Variants in CELF2 observed in about 807,000 individuals in gnomAD.
The protein encoded by CELF2 is CUG triplet repeat RNA-binding protein 2.
In CELF2, 8 loss-of-function variants were observed where a neutral mutation model predicts 62.6. The observed-to-expected ratio is 0.13, with a 90% CI of 0.07 to 0.23. The LOEUF is 0.23. CELF2 is among the 10% of genes least tolerant of loss of function. The pLI is 1.00. For missense variants in CELF2, 333 were observed against 671.0 expected (o/e 0.50, Z 5.56); for synonymous variants, 258 against 250.0 (o/e 1.03, Z -0.30).
chr10:10,542,030 C>T, the CELF2 span, among the ~76,000 whole-genome samples: 1 of 152,114 alleles, frequency 6.6e-6, no homozygotes, highest in Non-Finnish European at 1.5e-5. Context: ...CACTGCCTCT[C>T]CCAGACAGAA....
chr10:11,301,723 C>A (rs1278951085), intron 9 of CELF2, among the ~76,000 whole-genome samples: 2 of 151,092 alleles, frequency 1.3e-5, no homozygotes, highest in Non-Finnish European at 2.9e-5. Context: ...GGTGGCACCA[C>A]GGCAGCAACT....
At chr10:10,907,605 T>C (rs1385411514) in intron 1 of CELF2, among the ~76,000 whole-genome samples, 1 of 151,568 alleles carries the variant, frequency 6.6e-6, no homozygotes, top group Non-Finnish European at 1.5e-5. Flanking sequence ...ATCTATAATT[T>C]AGCTCTTTTA....
the CELF2 span, among the ~76,000 whole-genome samples, chr10:10,750,964 G>C: frequency 1.3e-5 from 2 of 152,190 alleles, no homozygotes; most frequent in African/African-American, 2.4e-5. Context: ...CTTTGTTAAA[G>C]ATGATACAAA....
In CELF2 at chr10:11,300,007, T is replaced by C. The variant is rs531376652; in HGVS notation, c.976+11455T>C. ...GTGTACTGCCTGTATGAATGGACTC[T>C]TCCAAACTCATGGCCCCACACTGCC... On this transcript the variant is annotated intron_variant, in intron 9 of 12. Transcript: ENST00000633077. This position sits in a 1 kb window ranked among gnomAD's most constrained non-coding sequence, Gnocchi z 5.5. Among the ~76,000 whole-genome samples, 5 of 152,348 alleles carry C rather than the reference T, an allele frequency of 3.3e-5. No individual in the cohort carries two copies. The South Asian group carries it at 1.0e-3, about 32-fold the overall frequency.
intron 1 of CELF2, among the ~76,000 whole-genome samples, chr10:11,109,456 G>T (rs1437856304): frequency 4.6e-5 from 7 of 152,126 alleles, no homozygotes; most frequent in Non-Finnish European, 1.0e-4. Flanking sequence ...TCTAGAATTC[G>T]AAAGCTGCAA....
intron 9 of CELF2, among the ~76,000 whole-genome samples, chr10:11,308,648 C>T (rs2094399901): frequency 6.6e-6 from 1 of 152,200 alleles, no homozygotes; most frequent in South Asian, 2.1e-4. Context: ...CAGTTCAATT[C>T]AGGTCACATT....
intron 9 of CELF2, among the ~76,000 whole-genome samples, chr10:11,301,181 A>AT (rs2093680223): frequency 6.6e-6 from 1 of 152,226 alleles, no homozygotes; most frequent in African/African-American, 2.4e-5. Context: ...GAGATGGATA[A>AT]GCCCCTCATT....
At chr10:10,892,625 C>T (rs1208484878) in intron 1 of CELF2, among the ~76,000 whole-genome samples, 1 of 152,186 alleles carries the variant, frequency 6.6e-6, no homozygotes, top group Non-Finnish European at 1.5e-5. Flanking sequence ...TATTTGCCTT[C>T]TGTAGGAATG....
chr10:11,095,428 C>T (rs545798515), intron 1 of CELF2, among the ~76,000 whole-genome samples: 2 of 152,170 alleles, frequency 1.3e-5, no homozygotes, highest in African/African-American at 2.4e-5. Flanking sequence ...TGTATGTAGC[C>T]GTCTCAGTGC....
In CELF2 at chr10:10,828,299, G is replaced by T. The variant is rs564508432; in HGVS notation, c.53+29482G>T. ...CAGGTGAATAGATAAACAAAATGTG[G>T]TATATGCATATAATGGAATATTATT... On this transcript the variant is annotated intron_variant, in intron 1 of 13. Transcript: ENST00000636488. Among the ~76,000 whole-genome samples the T allele has an allele frequency of 1.7e-3, 253 of 152,276 alleles. 1 individual carries two copies. Among genetic ancestry groups the T allele is most frequent in the African/African-American group, 5.8e-3 (240 of 41,574 alleles).
the CELF2 span, among the ~76,000 whole-genome samples, chr10:10,491,621 T>A: frequency 1.3e-5 from 2 of 152,228 alleles, no homozygotes; most frequent in Non-Finnish European, 2.9e-5. Context: ...GGAGCATTCA[T>A]GAATTCTTTT....
At chr10:11,236,685 C>T (rs1322835773) in intron 3 of CELF2, among the ~76,000 whole-genome samples, 1 of 152,192 alleles carries the variant, frequency 6.6e-6, no homozygotes, top group Non-Finnish European at 1.5e-5. Context: ...TCACTATTAA[C>T]CCATGTTTTT....
chr10:11,043,706 G>A (rs189905795), intron 1 of CELF2, among the ~76,000 whole-genome samples: 13 of 152,214 alleles, frequency 8.5e-5, no homozygotes, highest in Admixed American at 3.3e-4. Flanking sequence ...TGGGTTCCGC[G>A]TTCCACCTGC....
the CELF2 span, among the ~76,000 whole-genome samples, chr10:10,561,595 TG>T: frequency 6.6e-6 from 1 of 152,190 alleles, no homozygotes; most frequent in Non-Finnish European, 1.5e-5. Context: ...AGAAATGGAA[TG>T]GGGAATTGTA....
intron 1 of CELF2, among the ~76,000 whole-genome samples, chr10:11,069,693 G>A (rs2069214949): frequency 1.3e-5 from 2 of 152,188 alleles, no homozygotes; most frequent in Admixed American, 6.5e-5. Context: ...ATGTAGAAAT[G>A]AAAAGAATCA....
In CELF2 at chr10:11,032,146, CAAAAAAAA is replaced by C. The variant is rs56364371; in HGVS notation, c.74+14001_74+14008del. On this transcript the variant is annotated intron_variant, in intron 1 of 12. Transcript: ENST00000633077. ...CTCCCAGCTCCACATAGGGCTTAGC[CAAAAAAAA>C]AAAAAAAAAAAAAAAAATTGCTTCC... Among the ~76,000 whole-genome samples the C allele has an allele frequency of 1.3e-3, 108 of 86,386 alleles. 1 individual carries two copies. Among genetic ancestry groups the C allele is most frequent in the Middle Eastern group, 6.4e-3 (1 of 156 alleles). The allele number at this position is 86,386 out of a possible 152,430, so 56.7% of individuals were successfully genotyped here.
chr10:11,083,574 C>G (rs1048471255), intron 1 of CELF2, among the ~76,000 whole-genome samples: 1 of 152,182 alleles, frequency 6.6e-6, no homozygotes, highest in Non-Finnish European at 1.5e-5. Flanking sequence ...TCTCTAGAAC[C>G]TCAGTTCAGC....
intron 3 of CELF2, among the ~76,000 whole-genome samples, chr10:11,236,940 G>C (rs1170790807): frequency 1.3e-5 from 2 of 152,220 alleles, no homozygotes; most frequent in Non-Finnish European, 2.9e-5. Flanking sequence ...AAAGAGAGCT[G>C]AGGGTCAAAG....
the CELF2 span, among the ~76,000 whole-genome samples, chr10:10,592,952 A>G: frequency 6.6e-6 from 1 of 152,340 alleles, no homozygotes; most frequent in South Asian, 2.1e-4. Context: ...GGGAAAGTTT[A>G]GAAGAGAAGT....
Sources: gnomAD v4.1 joint callset for allele counts (sites outside exome capture counted in the v4.1 genomes callset) on GRCh38, gnomAD v4.1.1 for gene constraint, Gnocchi (gnomAD v3.1) non-coding constraint, MANE v1.5 for transcripts, NCBI Gene and HGNC (gene_info 2026-07-23, HGNC 2026-07-21) for gene names.